ERC2: variants seen among roughly 807,000 people sequenced by gnomAD.
The protein encoded by ERC2 is ERC protein 2.
ERC2 carries 42 observed loss-of-function variants against 114.8 expected under a neutral mutation model. That is an observed-to-expected ratio of 0.37 (90% CI 0.29 to 0.47). The LOEUF (loss-of-function observed/expected upper bound fraction) is 0.47. Among genes scored for constraint, ERC2 ranks in the 20% least tolerant of loss-of-function variants. The pLI is 0.99. For missense variants in ERC2, 939 were observed against 1,150.7 expected, an observed-to-expected ratio of 0.82 and a Z score of 2.66; for synonymous variants, 454 against 425.5, an observed-to-expected ratio of 1.07 and a Z score of -0.82.
At chr3:55,884,436 A>G (rs1039878663) in intron 14 of ERC2, among the ~76,000 whole-genome samples, 4 of 152,124 alleles carry the variant, frequency 2.6e-5, no homozygotes, top group African/African-American at 9.7e-5. Context: ...TTTTTTTCAT[A>G]TTGTTTCTTT....
At chr3:55,960,447 A>C (rs139572947) in intron 12 of ERC2, among the ~76,000 whole-genome samples, 4 of 152,126 alleles carry the variant, frequency 2.6e-5, no homozygotes, top group Non-Finnish European at 5.9e-5. Flanking sequence ...TTTAAGTCTC[A>C]GTTGAAGTAA....
chr3:56,243,926 T>C (rs577884047), intron 3 of ERC2, among the ~76,000 whole-genome samples: 5 of 152,212 alleles, frequency 3.3e-5, no homozygotes, highest in African/African-American at 1.2e-4. Context: ...GAAAGCACAG[T>C]GTGGGTGAGG....
chr3:55,516,435 A>G (rs929654788), intron 17 of ERC2, among the ~76,000 whole-genome samples: 1 of 152,130 alleles, frequency 6.6e-6, no homozygotes, highest in Non-Finnish European at 1.5e-5. Flanking sequence ...CCTTGAAACC[A>G]TAATTCAAAA....
chr3:55,947,004 C>T (rs191474672), intron 13 of ERC2, among the ~76,000 whole-genome samples: 8 of 152,334 alleles, frequency 5.3e-5, no homozygotes, highest in African/African-American at 1.9e-4. Context: ...AGTGCCAGGC[C>T]ATGCAGCAGA....
At chr3:56,444,173 G>A (rs532842649) in intron 1 of ERC2, among the ~76,000 whole-genome samples, 15 of 148,472 alleles carry the variant, frequency 1.0e-4, no homozygotes, top group Admixed American at 1.3e-4. Flanking sequence ...GGGTTTCACC[G>A]TGTTAGCCAG....
At chr3:55,827,257 C>CAGAGAGAAAGAAAGAAAGAGA (rs1252355333) in intron 14 of ERC2, among the ~76,000 whole-genome samples, 1 of 128,788 alleles carries the variant, frequency 7.8e-6, no homozygotes, top group Non-Finnish European at 1.7e-5. Flanking sequence ...GAGAAAGAAA[C>CAGAGAGAAAGAAAGAAAGAGA]AGAGAGAAAG....
intron 17 of ERC2, among the ~76,000 whole-genome samples, chr3:55,634,556 C>T (rs923260854): frequency 3.9e-5 from 6 of 152,238 alleles, no homozygotes; most frequent in East Asian, 1.9e-4. Flanking sequence ...AAAATGTCTA[C>T]GGGGGAAGCC....
chr3:55,773,731 T>A (rs1041441091), intron 14 of ERC2, among the ~76,000 whole-genome samples: 10 of 152,136 alleles, frequency 6.6e-5, no homozygotes, highest in East Asian at 5.8e-4. Flanking sequence ...ATTTGTTTTT[T>A]AAAAAAAATC....
intron 4 of ERC2, among the ~76,000 whole-genome samples, chr3:56,171,078 TA>T (rs2082643453): frequency 6.6e-6 from 1 of 152,146 alleles, no homozygotes; most frequent in African/African-American, 2.4e-5. Flanking sequence ...AATCTCTTCT[TA>T]ATTTTAAATT....
At chr3:56,233,379 G>A (rs1211498499) in intron 3 of ERC2, among the ~76,000 whole-genome samples, 1 of 152,194 alleles carries the variant, frequency 6.6e-6, no homozygotes, top group Non-Finnish European at 1.5e-5. Flanking sequence ...CCAGCACTTT[G>A]GGAGGCCAAG....
rs111954385 is a variant in ERC2, at chr3:56,192,218, C to T, written c.1075-18698G>A. Among the ~76,000 whole-genome samples the T allele has an allele frequency of 5.3e-3, 811 of 152,248 alleles. 8 individuals carry two copies. Among genetic ancestry groups the T allele is most frequent in the African/African-American group, 0.019 (779 of 41,528 alleles). On this transcript the variant is annotated intron_variant, in intron 3 of 17. Coordinates refer to ENST00000288221, the MANE Select transcript of ERC2 (RefSeq NM_015576.3). ...TGGGAGGGTTGGGCAGAATGTGGCACTCTGCTCTCTAACATGACTCCACAG... is the reference window on the plus strand; with the variant it reads ...TGGGAGGGTTGGGCAGAATGTGGCATTCTGCTCTCTAACATGACTCCACAG...
intron 13 of ERC2, among the ~76,000 whole-genome samples, chr3:55,914,847 C>A (rs1010174719): frequency 1.3e-5 from 2 of 152,154 alleles, no homozygotes; most frequent in Non-Finnish European, 2.9e-5. Context: ...GGTGTGCTTT[C>A]TTTCTGGACA....
At chr3:56,248,840 C>T (rs937313435) in intron 3 of ERC2, among the ~76,000 whole-genome samples, 2 of 152,224 alleles carry the variant, frequency 1.3e-5, no homozygotes, top group Non-Finnish European at 2.9e-5. Flanking sequence ...CACAGGCACA[C>T]ACAACTGTAT....
At chr3:55,681,967 C>G (rs1047595600) in intron 17 of ERC2, among the ~76,000 whole-genome samples, 1 of 152,150 alleles carries the variant, frequency 6.6e-6, no homozygotes, top group African/African-American at 2.4e-5. Context: ...CTCATGATGG[C>G]AGAAGTAGCT....
chr3:56,143,693 AAT>A (rs1293184847), intron 5 of ERC2, among the ~76,000 whole-genome samples: 1 of 152,224 alleles, frequency 6.6e-6, no homozygotes, highest in Admixed American at 6.5e-5. Flanking sequence ...AGAACAGACT[AAT>A]ACATACATAA....
chr3:56,057,397 C>T (rs528063936), intron 7 of ERC2, among the ~76,000 whole-genome samples: 1 of 152,206 alleles, frequency 6.6e-6, no homozygotes, highest in South Asian at 2.1e-4. Context: ...CAGCATCAGG[C>T]CCCACATTGC....
chr3:55,824,981 T>C (rs1482049986), intron 14 of ERC2, among the ~76,000 whole-genome samples: 2 of 152,224 alleles, frequency 1.3e-5, no homozygotes, highest in African/African-American at 4.8e-5. Flanking sequence ...ATTTTTCCCC[T>C]TAATCATCAC....
At chr3:56,270,802 AC>A (rs2053609217) in intron 3 of ERC2, among the ~76,000 whole-genome samples, 1 of 152,174 alleles carries the variant, frequency 6.6e-6, no homozygotes, top group South Asian at 2.1e-4. Context: ...ACACAGTGAA[AC>A]CCCGTCTCTA....
chr3:56,467,861 C>A (rs946004944), intron 1 of ERC2, among the ~76,000 whole-genome samples: 1 of 151,880 alleles, frequency 6.6e-6, no homozygotes, highest in Non-Finnish European at 1.5e-5. Context: ...AACACCCCAC[C>A]CCTCGAGGCA....
Sources: gnomAD v4.1 joint callset for allele counts (sites outside exome capture counted in the v4.1 genomes callset) on GRCh38, gnomAD v4.1.1 for gene constraint, MANE v1.5 for transcripts, NCBI Gene and HGNC (gene_info 2026-07-23, HGNC 2026-07-21) for gene names.